The following KCNQ1 variants were observed in gnomAD, a reference collection of about 807,000 sequenced individuals.
KCNQ1 encodes the protein potassium voltage-gated channel subfamily Q member 1, also known as potassium voltage-gated channel subfamily KQT member 1.
In KCNQ1, 49 loss-of-function variants were observed where a neutral mutation model predicts 72.4. The observed-to-expected ratio is 0.68, with a 90% CI of 0.54 to 0.86. The LOEUF is 0.86. Among genes scored for constraint, KCNQ1 ranks in the 40% least tolerant of loss-of-function variants. The pLI is 0.00. For synonymous variants in KCNQ1, 450 were observed against 412.6 expected (o/e 1.09, Z -1.10); for missense variants, 790 against 945.1 (o/e 0.84, Z 2.15).
At position 2,725,648 on chromosome 11, in the gene KCNQ1, C is replaced by A. The variant is rs1306110943; in HGVS notation, c.1515-43196C>A. Among the ~76,000 whole-genome samples the A allele has an allele frequency of 6.6e-6, 1 of 152,220 alleles. No homozygotes were observed. The highest frequency in any genetic ancestry group is 6.5e-5 in the Admixed American group (1 of 15,282). ...CTTTCCATGAGGCTGGGCGCCCTGCCCTGCCTTCAGTGCCAAAGCCCCAGG... is the reference window on the plus strand; with the variant it reads ...CTTTCCATGAGGCTGGGCGCCCTGCACTGCCTTCAGTGCCAAAGCCCCAGG... On this transcript the variant is annotated intron_variant, in intron 11 of 15. Coordinates refer to ENST00000155840, the MANE Select transcript of KCNQ1 (RefSeq NM_000218.3). The surrounding 1 kb of genome is among the most constrained non-coding windows in gnomAD (Gnocchi z 7.2).
intron 7 of KCNQ1, 21 bp from the exon 8 acceptor site, chr11:2,585,191 C>T (rs776904346): frequency 1.2e-6 from 2 of 1,609,324 alleles, no homozygotes; most frequent in Non-Finnish European, 8.5e-7. Flanking sequence ...GGACGGGAGC[C>T]TCCTGTCCAT....
Position 2,461,660 on chromosome 11 carries a change from G to A in KCNQ1, c.386+16176G>A, listed in dbSNP as rs778517345. 4 of 1,366,782 alleles carry A rather than the reference G, an allele frequency of 2.9e-6. No individual in the cohort carries two copies. The South Asian group carries it at 4.5e-5, about 16-fold the overall frequency. The allele number at this position is 1,366,782 out of a possible 1,614,324, so 84.7% of individuals were successfully genotyped here. On this transcript the variant is annotated intron_variant, in intron 1 of 15. Transcript: ENST00000155840. ...CGGGAATTTGAGGCCTGTGGCTGCTGTGGACCCTGGGAAAGAGCCTGTGCT... is the reference window on the plus strand; with the variant it reads ...CGGGAATTTGAGGCCTGTGGCTGCTATGGACCCTGGGAAAGAGCCTGTGCT...
intron 15 of KCNQ1, among the ~76,000 whole-genome samples, chr11:2,800,621 G>C (rs780023933): frequency 6.6e-6 from 1 of 152,224 alleles, no homozygotes; most frequent in Non-Finnish European, 1.5e-5. Flanking sequence ...GGCCGTGAAG[G>C]TTCCAAGCTT....
At chr11:2,751,167 C>T (rs1848470992) in intron 11 of KCNQ1, among the ~76,000 whole-genome samples, 1 of 152,176 alleles carries the variant, frequency 6.6e-6, no homozygotes, top group Non-Finnish European at 1.5e-5. Flanking sequence ...CTGGTTTTGC[C>T]GGGCTCCGCT....
At chr11:2,693,221 C>T in intron 11 of KCNQ1, 1 of 398,738 alleles carries the variant, frequency 2.5e-6, no homozygotes, top group Non-Finnish European at 4.4e-6. Context: ...TCTGAGAGGA[C>T]CACAAGTCAT....
At chr11:2,822,484 G>C (rs1195472347) in intron 15 of KCNQ1, among the ~76,000 whole-genome samples, 1 of 152,204 alleles carries the variant, frequency 6.6e-6, no homozygotes, top group Non-Finnish European at 1.5e-5. Flanking sequence ...ACTGTGCTAA[G>C]TGCGTAAAGA....
In KCNQ1 at chr11:2,828,285, G is replaced by C. The variant is rs977260087; in HGVS notation, c.1795-19482G>C. On this transcript the variant is annotated intron_variant, in intron 15 of 15. Coordinates refer to ENST00000155840, the MANE Select transcript of KCNQ1 (RefSeq NM_000218.3). This position sits in a 1 kb window ranked among gnomAD's most constrained non-coding sequence, Gnocchi z 5.3. ...AGGTTTGGTGACCGGAGCAGCAGGT[G>C]CCAGAGCTGAAAGCACTGGTTAAAC... 4.6e-4 allele frequency among the ~76,000 whole-genome samples: 70 copies of C among 152,254 alleles called. No homozygotes were observed. The highest frequency in any genetic ancestry group is 1.5e-3 in the Admixed American group (23 of 15,292).
chr11:2,804,762 T>C (rs527982933), intron 15 of KCNQ1, among the ~76,000 whole-genome samples: 6 of 152,140 alleles, frequency 3.9e-5, no homozygotes, highest in Non-Finnish European at 7.3e-5. Context: ...GGCCTTCCCC[T>C]GCGCCCACAC....
chr11:2,798,796 T>C (rs1847195753), intron 15 of KCNQ1, among the ~76,000 whole-genome samples: 1 of 152,072 alleles, frequency 6.6e-6, no homozygotes, highest in Non-Finnish European at 1.5e-5. Context: ...CAGAGAAAAT[T>C]GTTTATAAAT....
In KCNQ1 at chr11:2,802,631, A is replaced by G. The variant is rs578232202; in HGVS notation, c.1794+24594A>G. ...GGTATAGGGCCAGACCCCAAGGCTT[A>G]GTGGCAAGAGGCCCAGCAGATGCTC... On this transcript the variant is annotated intron_variant, in intron 15 of 15. Transcript: ENST00000155840. Among the ~76,000 whole-genome samples the G allele has an allele frequency of 3.1e-4, 47 of 152,294 alleles. No individual in the cohort carries two copies. The East Asian group carries it at 9.1e-3, about 29-fold the overall frequency.
In KCNQ1 at chr11:2,824,978, G is replaced by A. The variant is rs1249413087; in HGVS notation, c.1795-22789G>A. The stretch of plus-strand genomic sequence containing the variant: ...GGCGTTTGGACAGGGGAGGCCGGGT[G>A]TGGATGGAAGCTGTACGATGGGGCC... On this transcript the variant is annotated intron_variant, in intron 15 of 15. Transcript: ENST00000155840. The surrounding 1 kb of genome is among the most constrained non-coding windows in gnomAD (Gnocchi z 5.9). Among the ~76,000 whole-genome samples the A allele has an allele frequency of 6.6e-6, 1 of 152,236 alleles. No homozygotes were observed. The highest frequency in any genetic ancestry group is 2.4e-5 in the African/African-American group (1 of 41,464).
rs528376178 is a variant in KCNQ1 at position 2,486,329 on chromosome 11, C to T, written c.386+40845C>T. On this transcript the variant is annotated intron_variant, in intron 1 of 15. Coordinates refer to ENST00000155840, the MANE Select transcript of KCNQ1 (RefSeq NM_000218.3). The surrounding 1 kb of genome is among the most constrained non-coding windows in gnomAD (Gnocchi z 5.0). ...AATATCTCCTCAGCTCTTTTGCCCA[C>T]TTCATTAAATTGAGAGGTTTGTTTT... 6.6e-6 allele frequency among the ~76,000 whole-genome samples: 1 copy of T among 152,190 alleles called. No individual in the cohort carries two copies. Among genetic ancestry groups the T allele is most frequent in the Admixed American group, 6.5e-5 (1 of 15,278 alleles).
rs1198227721 is a variant in KCNQ1 at position 2,673,004 on chromosome 11, A to G, written c.1514+10923A>G. On this transcript the variant is annotated intron_variant, in intron 11 of 15. Transcript: ENST00000155840. This position sits in a 1 kb window ranked among gnomAD's most constrained non-coding sequence, Gnocchi z 4.5. ...CCTTGCCTAAAGGAGAAGCCAGTGAATCAATGTGTTACTTGAACAAATATA... is the reference window on the plus strand; with the variant it reads ...CCTTGCCTAAAGGAGAAGCCAGTGAGTCAATGTGTTACTTGAACAAATATA... 1 of 398,588 alleles carries G rather than the reference A, an allele frequency of 2.5e-6. No individual in the cohort carries two copies. Among genetic ancestry groups the G allele is most frequent in the Non-Finnish European group, 4.4e-6 (1 of 226,116 alleles). 24.7% of individuals were successfully genotyped at this position (398,588 alleles called of 1,614,324 possible).
chr11:2,714,141 G>C (rs1465502643), intron 11 of KCNQ1, among the ~76,000 whole-genome samples: 6 of 152,230 alleles, frequency 3.9e-5, no homozygotes, highest in Admixed American at 2.0e-4. Context: ...GCACAGTCCT[G>C]GGCAGGCGCA....
chr11:2,840,824 C>A (rs919156287), intron 15 of KCNQ1, among the ~76,000 whole-genome samples: 3 of 152,234 alleles, frequency 2.0e-5, no homozygotes, highest in African/African-American at 4.8e-5. Context: ...TCAGCACCCA[C>A]CCTGGGAGGG....
chr11:2,653,350 C>T lies in KCNQ1; in HGVS notation c.1394-8611C>T, dbSNP rs1253811393. 2 of 398,624 alleles carry T rather than the reference C, an allele frequency of 5.0e-6. No homozygotes were observed. Among genetic ancestry groups the T allele is most frequent in the Non-Finnish European group, 4.4e-6 (1 of 226,138 alleles). 24.7% of individuals were successfully genotyped at this position (398,624 alleles called of 1,614,324 possible). On this transcript the variant is annotated intron_variant, in intron 10 of 15. Coordinates refer to ENST00000155840, the MANE Select transcript of KCNQ1 (RefSeq NM_000218.3). This position sits in a 1 kb window ranked among gnomAD's most constrained non-coding sequence, Gnocchi z 5.3. ...CCAGGCCCATGTCCGTAGGCTCACA[C>T]CTCACCCCCAACTTTGTCATGCACA...
rs1383429461 is a variant in KCNQ1 at position 2,848,512 on chromosome 11, G to GAGGGCC, written c.*510_*515dup. The GAGGGCC allele has an allele frequency of 4.4e-6, 2 of 455,134 alleles. No individual in the cohort carries two copies. The highest frequency in any genetic ancestry group is 8.8e-6 in the Non-Finnish European group (2 of 227,440). 28.2% of individuals were successfully genotyped at this position (455,134 alleles called of 1,614,324 possible). On this transcript the variant is annotated 3_prime_UTR_variant, in exon 16 of 16. Coordinates refer to ENST00000155840, the MANE Select transcript of KCNQ1 (RefSeq NM_000218.3). ...CAATAAAAGCCCAGGAGCCCATTTG[G>GAGGGCC]AGGGCCTGGGCCTGGCTCCCTCACT...
chr11:2,645,868 T>C lies in KCNQ1; in HGVS notation c.1394-16093T>C. The stretch of plus-strand genomic sequence containing the variant: ...AGGGGATGTGTGAATTGCCTGAGGA[T>C]TCAGGGTGATCTCCCTCTCTGGGAG... On this transcript the variant is annotated intron_variant, in intron 10 of 15. Coordinates refer to ENST00000155840, the MANE Select transcript of KCNQ1 (RefSeq NM_000218.3). This position sits in a 1 kb window ranked among gnomAD's most constrained non-coding sequence, Gnocchi z 5.8. 1 of 398,630 alleles carries C rather than the reference T, an allele frequency of 2.5e-6. No homozygotes were observed. Among genetic ancestry groups the C allele is most frequent in the Non-Finnish European group, 4.4e-6 (1 of 226,084 alleles). 24.7% of individuals were successfully genotyped at this position (398,630 alleles called of 1,614,324 possible). A position where few individuals can be genotyped will look rare whatever the true frequency, so the allele number is the denominator to read the frequency against.
intron 15 of KCNQ1, among the ~76,000 whole-genome samples, chr11:2,834,790 G>A (rs1256517481): frequency 6.6e-6 from 1 of 152,208 alleles, no homozygotes; most frequent in African/African-American, 2.4e-5. Context: ...CCAGAAGTGG[G>A]AAGGATCCCT....
Sources: gnomAD v4.1 joint callset for allele counts (sites outside exome capture counted in the v4.1 genomes callset) on GRCh38, gnomAD v4.1.1 for gene constraint, Gnocchi (gnomAD v3.1) non-coding constraint, MANE v1.5 for transcripts, NCBI Gene and HGNC (gene_info 2026-07-23, HGNC 2026-07-21) for gene names.